Variants in BBS5 observed in about 807,000 individuals in gnomAD.
BBS5 encodes Bardet-Biedl syndrome 5, also known as BBSome complex member BBS5.
A neutral mutation model predicts 50.2 loss-of-function variants in BBS5; 39 were observed. That is an observed-to-expected ratio of 0.78 (90% CI 0.60 to 1.01). The LOEUF is 1.01. Ranked by LOEUF, BBS5 falls within the 50% of genes least tolerant of loss-of-function variation. BBS5 has a pLI of 0.00. For synonymous variants in BBS5, 134 were observed against 133.1 expected (o/e 1.01, Z -0.05); for missense variants, 356 against 401.5 (o/e 0.89, Z 0.97).
rs1346687464 is a variant in BBS5 at position 169,504,462 on chromosome 2, C to G, written c.925-19C>G. 3.7e-6 allele frequency: 6 copies of G among 1,606,298 alleles called. No individual in the cohort carries two copies. Among genetic ancestry groups the G allele is most frequent in the Admixed American group, 1.7e-5 (1 of 59,980 alleles). On this transcript the variant is annotated intron_variant, in intron 11 of 11. Coordinates refer to ENST00000295240, the MANE Select transcript of BBS5 (RefSeq NM_152384.3). ...CCCACCTTCTCTATTCCCATCTTAT[C>G]CTCCTGTCTCCCAAAAAGCAACAAG...
intron 9 of BBS5, among the ~76,000 whole-genome samples, chr2:169,500,293 C>T (rs568515595): frequency 4.1e-4 from 63 of 152,344 alleles, no homozygotes; most frequent in African/African-American, 1.4e-3. Flanking sequence ...ACTGTCCACT[C>T]TATCACCAGT....
intron 1 of BBS5, among the ~76,000 whole-genome samples, chr2:169,480,642 C>A (rs923056919): frequency 4.8e-5 from 7 of 145,566 alleles, no homozygotes; most frequent in African/African-American, 1.8e-4. Flanking sequence ...TAACATATTG[C>A]GCACTTTCTA....
Position 169,488,104 on chromosome 2 carries a change from G to A in BBS5, c.376G>A (p.Ala126Thr), listed in dbSNP as rs1355878482. ...CCCTAGACTTTTTACTTCTGTGATG[G>A]CAGTACACAGGTATAGTAATACTTT... Reference protein sequence around the residue: ...GSPRLFTSVMAVHRAYETSKM... With the variant: ...GSPRLFTSVMTVHRAYETSKM... The change falls in exon 5 of 12, where the codon GCA becomes ACA. Residue 126 changes from alanine to threonine, a missense_variant. Coordinates refer to ENST00000295240, the MANE Select transcript of BBS5 (RefSeq NM_152384.3). The A allele has an allele frequency of 6.2e-7, 1 of 1,612,840 alleles. No homozygotes were observed. The highest frequency in any genetic ancestry group is 1.7e-5 in the Admixed American group (1 of 59,992).
At chr2:169,500,488 T>C (rs1423078661) in intron 9 of BBS5, among the ~76,000 whole-genome samples, 4 of 152,238 alleles carry the variant, frequency 2.6e-5, no homozygotes, top group Non-Finnish European at 5.9e-5. Context: ...CACTCGATTG[T>C]AGACTCCCTT....
chr2:169,493,600 C>A, intron 6 of BBS5, 141 bp from the exon 7 acceptor site: 1 of 691,298 alleles, frequency 1.4e-6, no homozygotes, highest in Non-Finnish European at 2.7e-6. Flanking sequence ...TCTAATTGTA[C>A]TGCCATCAAT....
At chr2:169,494,973 G>C (rs1248753365) in intron 7 of BBS5, among the ~76,000 whole-genome samples, 1 of 152,110 alleles carries the variant, frequency 6.6e-6, no homozygotes, top group Non-Finnish European at 1.5e-5. Flanking sequence ...CCTATTTTTG[G>C]CTAAATTGTT....
In BBS5 at chr2:169,505,556, C is replaced by G. The variant is rs1683897179; in HGVS notation, c.*974C>G. On this transcript the variant is annotated 3_prime_UTR_variant, in exon 12 of 12. Coordinates refer to ENST00000295240, the MANE Select transcript of BBS5 (RefSeq NM_152384.3). ...ATCCCATCTAGGAAGTGAGGAGCTT[C>G]TCTGCCTGGCCGCCCATCGTCTGAG... 3.7e-6 allele frequency: 1 copy of G among 271,986 alleles called. No homozygotes were observed. Among genetic ancestry groups the G allele is most frequent in the Non-Finnish European group, 7.2e-6 (1 of 138,040 alleles). The allele number at this position is 271,986 out of a possible 1,614,324, so 16.8% of individuals were successfully genotyped here.
intron 5 of BBS5, among the ~76,000 whole-genome samples, chr2:169,492,287 C>T (rs901869082): frequency 6.6e-6 from 1 of 151,498 alleles, no homozygotes; most frequent in South Asian, 2.1e-4. Flanking sequence ...GTCAAGAGAT[C>T]GAGGCCATCC....
At chr2:169,488,177 C>G in intron 5 of BBS5, 63 bp downstream of exon 5, 2 of 1,535,912 alleles carry the variant, frequency 1.3e-6, no homozygotes, top group Non-Finnish European at 1.8e-6. Flanking sequence ...TAGACTGCAA[C>G]AGTCCCCAAC....
chr2:169,479,512 C>T lies in BBS5; in HGVS notation c.-42C>T, dbSNP rs181464768. The stretch of plus-strand genomic sequence containing the variant: ...TGGAGCCAGAGAGACGCAGCTAGGC[C>T]TGCACGGCTGTGGAGAGATCCTGCC... On this transcript the variant is annotated 5_prime_UTR_variant, in exon 1 of 12. Transcript: ENST00000295240. 1.4e-5 allele frequency: 23 copies of T among 1,611,760 alleles called. No individual in the cohort carries two copies. The Admixed American group carries it at 1.5e-4, about 11-fold the overall frequency.
At chr2:169,487,961 A>ATTG (rs1216516767) in intron 4 of BBS5, 26 bp from the exon 5 acceptor site, 40 of 1,612,662 alleles carry the variant, frequency 2.5e-5, no homozygotes, top group Non-Finnish European at 3.4e-5. Context: ...TAAAATCTGA[A>ATTG]CTTTTAAATA....
In BBS5 at chr2:169,504,725, A is replaced by G; in HGVS notation, c.*143A>G. On this transcript the variant is annotated 3_prime_UTR_variant, in exon 12 of 12. Coordinates refer to ENST00000295240, the MANE Select transcript of BBS5 (RefSeq NM_152384.3). ...AAGAGTTTTTTTAATGATTGAGGAA[A>G]AAGTCATTTAGAAAACTTCAGTTTT... 3 of 1,212,876 alleles carry G rather than the reference A, an allele frequency of 2.5e-6. No homozygotes were observed. The highest frequency in any genetic ancestry group is 3.5e-6 in the Non-Finnish European group (3 of 853,202). 75.1% of individuals were successfully genotyped at this position (1,212,876 alleles called of 1,614,324 possible).
At chr2:169,499,222 C>T (rs1317232986) in intron 8 of BBS5, 25 of 410,276 alleles carry the variant, frequency 6.1e-5, no homozygotes, top group Non-Finnish European at 9.8e-5. Context: ...GAATGGTGTT[C>T]AGGTGAGGGC....
In BBS5 at chr2:169,497,597, G is replaced by A. The variant is rs1263632353; in HGVS notation, c.619-30G>A. 3.0e-6 allele frequency: 4 copies of A among 1,335,600 alleles called. No individual in the cohort carries two copies. The African/African-American group carries it at 4.3e-5, about 14-fold the overall frequency. 82.7% of individuals were successfully genotyped at this position (1,335,600 alleles called of 1,614,324 possible). ...GTCACTATTCAGTTAATAAAAACTT[G>A]CATGTTTTTCTTTTTCATTTTGTAT... On this transcript the variant is annotated intron_variant, in intron 7 of 11. Coordinates refer to ENST00000295240, the MANE Select transcript of BBS5 (RefSeq NM_152384.3).
intron 1 of BBS5, among the ~76,000 whole-genome samples, chr2:169,479,850 C>T (rs1215345581): frequency 2.6e-5 from 4 of 152,348 alleles, no homozygotes; most frequent in South Asian, 4.1e-4. Flanking sequence ...CCCATGCGAC[C>T]TCCGGTTCCC....
chr2:169,503,227 G>A, intron 10 of BBS5, 49 bp downstream of exon 10: 7 of 1,433,610 alleles, frequency 4.9e-6, no homozygotes, highest in Non-Finnish European at 6.8e-6. Context: ...TTTTATCTCA[G>A]TCTTGTTTAA....
Position 169,499,550 on chromosome 2 carries a change from A to C in BBS5, c.746A>C (p.Glu249Ala). 1 of 1,613,498 alleles carries C rather than the reference A, an allele frequency of 6.2e-7. No individual in the cohort carries two copies. The highest frequency in any genetic ancestry group is 8.5e-7 in the Non-Finnish European group (1 of 1,179,452). ...PVEKLQESVKEINSLHKVYSA... is the reference protein window; with the variant it reads ...PVEKLQESVKAINSLHKVYSA... Reference sequence around the variant, plus strand: ...GAAAAACTACAAGAATCAGTTAAGGAAATCAATTCACTTCACAAAGTCTAT... The same window carrying C: ...GAAAAACTACAAGAATCAGTTAAGGCAATCAATTCACTTCACAAAGTCTAT... Residue 249 changes from glutamate (E) to alanine (A), a missense_variant, in exon 9 of 12, where the codon GAA (glutamate) becomes GCA (alanine). Coordinates refer to ENST00000295240, the MANE Select transcript of BBS5 (RefSeq NM_152384.3).
At position 169,487,550 on chromosome 2, in the gene BBS5, G is replaced by A. The variant is rs6433124; in HGVS notation, c.209-256G>A. ...AGTGCCAAAACTTTCAGTAAATAAT[G>A]CTGCAGAGGCTTTAGGGATGAAGAC... On this transcript the variant is annotated intron_variant, in intron 3 of 11. Transcript: ENST00000295240. Among the ~76,000 whole-genome samples, 90,705 of 151,712 alleles carry A rather than the reference G, an allele frequency of 0.6. 28,708 individuals carry two copies. The highest frequency in any genetic ancestry group is 0.7 in the Non-Finnish European group (47,252 of 67,860).
At chr2:169,495,519 C>CAG (rs1439954150) in intron 7 of BBS5, among the ~76,000 whole-genome samples, 5 of 152,218 alleles carry the variant, frequency 3.3e-5, no homozygotes, top group African/African-American at 1.2e-4. Context: ...TTCAGCTCTA[C>CAG]ACCTCAGCCA....
Sources: gnomAD v4.1 joint callset for allele counts (sites outside exome capture counted in the v4.1 genomes callset) on GRCh38, gnomAD v4.1.1 for gene constraint, MANE v1.5 for transcripts, NCBI Gene and HGNC (gene_info 2026-07-23, HGNC 2026-07-21) for gene names.